Variants in FOXP4 observed in about 807,000 individuals in gnomAD.
FOXP4 encodes forkhead box protein P4.
FOXP4 carries 25 observed loss-of-function variants against 82.6 expected under a neutral mutation model. That is an observed-to-expected ratio of 0.30 (90% CI 0.22 to 0.42). The LOEUF (loss-of-function observed/expected upper bound fraction) is 0.42, where lower values mean the gene tolerates loss of function less well. Ranked by LOEUF, FOXP4 falls within the 10% of genes least tolerant of loss-of-function variation. The probability of loss-of-function intolerance (pLI) is 1.00; values close to 1 mark genes in which losing one functional copy is unlikely to be tolerated. For synonymous variants in FOXP4, 415 were observed against 388.2 expected (o/e 1.07, Z -0.81); for missense variants, 785 against 900.9 (o/e 0.87, Z 1.65).
intron 3 of FOXP4, among the ~76,000 whole-genome samples, chr6:41,579,985 G>T (rs1373558343): frequency 2.0e-4 from 30 of 151,174 alleles, no homozygotes. Flanking sequence ...GTTGTCCAAA[G>T]TTATACAACA....
intron 1 of FOXP4, among the ~76,000 whole-genome samples, chr6:41,552,931 CTT>C: frequency 6.6e-6 from 1 of 152,308 alleles, no homozygotes. Flanking sequence ...CATGACCCGT[CTT>C]CTCTCTGGGC....
At chr6:41,552,710 G>A (rs555379799) in intron 1 of FOXP4, among the ~76,000 whole-genome samples, 3 of 152,238 alleles carry the variant, frequency 2.0e-5, no homozygotes, top group East Asian at 3.9e-4. Context: ...GGGCTAGCTC[G>A]GGCCGGCAGC....
chr6:41,587,767 C>T (rs542869024), intron 7 of FOXP4, 26 bp from the exon 8 acceptor site: 15 of 1,481,242 alleles, frequency 1.0e-5, no homozygotes, highest in Middle Eastern at 3.6e-4. Flanking sequence ...GGTCCCTGAT[C>T]GGCCACCTCC....
rs753623290 is a variant in FOXP4 at position 41,590,477 on chromosome 6, G to C, written c.1434+130G>C. 3.7e-5 allele frequency: 35 copies of C among 955,532 alleles called. No individual in the cohort carries two copies. The Admixed American group carries it at 8.4e-4, about 23-fold the overall frequency. 59.2% of individuals were successfully genotyped at this position (955,532 alleles called of 1,614,324 possible). ...GCTGTCCCGCTCCCTCTCACGTGGCGGTCTTCCCTCTCTGCTGTGCGGGGC... is the reference window on the plus strand; with the variant it reads ...GCTGTCCCGCTCCCTCTCACGTGGCCGTCTTCCCTCTCTGCTGTGCGGGGC... On this transcript the variant is annotated intron_variant, in intron 12 of 16. Transcript: ENST00000307972.
intron 1 of FOXP4, among the ~76,000 whole-genome samples, chr6:41,564,812 C>G (rs1242465649): frequency 6.6e-6 from 1 of 152,172 alleles, no homozygotes; most frequent in African/African-American, 2.4e-5. Context: ...AAGGTGGAAC[C>G]AGGGCTTCCT....
Position 41,599,653 on chromosome 6 carries a change from C to T in FOXP4, c.*717C>T, listed in dbSNP as rs927966503. 1 of 152,482 alleles carries T rather than the reference C, an allele frequency of 6.6e-6. No homozygotes were observed. The highest frequency in any genetic ancestry group is 1.9e-4 in the East Asian group (1 of 5,184). The allele number at this position is 152,482 out of a possible 1,614,324, so 9.4% of individuals were successfully genotyped here. On this transcript the variant is annotated 3_prime_UTR_variant, in exon 17 of 17. Transcript: ENST00000307972. ...TTGCTGGGGGCTCCTCCAGCCGCCC[C>T]CATGGGAAGAGGCCTGGTACCGCCT...
chr6:41,586,990 C>A lies in FOXP4; in HGVS notation c.511-19C>A. The A allele has an allele frequency of 6.4e-7, 1 of 1,562,222 alleles. No individual in the cohort carries two copies. Among genetic ancestry groups the A allele is most frequent in the Non-Finnish European group, 8.7e-7 (1 of 1,148,742 alleles). On this transcript the variant is annotated intron_variant, in intron 5 of 16. Transcript: ENST00000307972. The stretch of plus-strand genomic sequence containing the variant: ...CTGATGGCACCCCTCTCTGCCCGCC[C>A]CCTCGGGCCCCTCACCAGGCACTGG...
At position 41,593,954 on chromosome 6, in the gene FOXP4, G is replaced by A. The variant is rs1239611811; in HGVS notation, c.1537-916G>A. Among the ~76,000 whole-genome samples, 1 of 138,076 alleles carries A rather than the reference G, an allele frequency of 7.2e-6. No individual in the cohort carries two copies. Among genetic ancestry groups the A allele is most frequent in the Non-Finnish European group, 1.6e-5 (1 of 61,242 alleles). The allele number at this position is 138,076 out of a possible 152,430, so 90.6% of individuals were successfully genotyped here. A position where few individuals can be genotyped will look rare whatever the true frequency, so the allele number is the denominator to read the frequency against. ...GGGAGGACAGGTAACAGGGTCCAGG[G>A]ATGCAGGCAGGGATGGTGATAACTG... On this transcript the variant is annotated intron_variant, in intron 13 of 16. Transcript: ENST00000307972. The surrounding 1 kb of genome is among the most constrained non-coding windows in gnomAD (Gnocchi z 4.1).
Position 41,599,069 on chromosome 6 carries a change from G to A in FOXP4, c.*133G>A. On this transcript the variant is annotated 3_prime_UTR_variant, in exon 17 of 17. Coordinates refer to ENST00000307972, the MANE Select transcript of FOXP4 (RefSeq NM_001012426.2). ...ACTCAGACCGGGGAGGCCCGGGCCA[G>A]CAGCTCCCAGTGTGACCTGACAAAA... The A allele has an allele frequency of 7.9e-7, 1 of 1,263,696 alleles. No homozygotes were observed. Among genetic ancestry groups the A allele is most frequent in the Non-Finnish European group, 1.1e-6 (1 of 933,068 alleles). 78.3% of individuals were successfully genotyped at this position (1,263,696 alleles called of 1,614,324 possible).
intron 2 of FOXP4, among the ~76,000 whole-genome samples, chr6:41,568,043 G>A (rs1423728192): frequency 2.0e-5 from 3 of 152,204 alleles, no homozygotes; most frequent in Non-Finnish European, 4.4e-5. Flanking sequence ...CAATTAAAAT[G>A]AAATAGTCCA....
chr6:41,592,228 C>G (rs531517565), intron 13 of FOXP4, among the ~76,000 whole-genome samples: 1 of 152,186 alleles, frequency 6.6e-6, no homozygotes, highest in Non-Finnish European at 1.5e-5. Context: ...TAGGTTTCAA[C>G]AAGTGTTACT....
chr6:41,600,254 G>C lies in FOXP4; in HGVS notation c.*1318G>C, dbSNP rs1212781791. 1.3e-5 allele frequency: 2 copies of C among 152,474 alleles called. No individual in the cohort carries two copies. Among genetic ancestry groups the C allele is most frequent in the South Asian group, 2.1e-4 (1 of 4,826 alleles). The allele number at this position is 152,474 out of a possible 1,614,324, so 9.4% of individuals were successfully genotyped here. A position where few individuals can be genotyped will look rare whatever the true frequency, so the allele number is the denominator to read the frequency against. On this transcript the variant is annotated 3_prime_UTR_variant, in exon 17 of 17. Coordinates refer to ENST00000307972, the MANE Select transcript of FOXP4 (RefSeq NM_001012426.2). ...CTCTCACCCCCTCAGGAGTGGGCAC[G>C]GGAGCCCTTCTCCCTGACCCTGGGC...
intron 9 of FOXP4, 37 bp from the exon 10 acceptor site, chr6:41,589,734 G>A (rs1184637098): frequency 1.7e-5 from 27 of 1,600,890 alleles, no homozygotes; most frequent in Non-Finnish European, 2.3e-5. Context: ...CCAGGGTTCA[G>A]CCTCCCGCTC....
chr6:41,588,335 G>T (rs913153180), intron 8 of FOXP4, among the ~76,000 whole-genome samples: 3 of 152,178 alleles, frequency 2.0e-5, no homozygotes, highest in Admixed American at 2.0e-4. Flanking sequence ...GATTAACTCC[G>T]CTGTCTCCCA....
intron 12 of FOXP4, 138 bp downstream of exon 12, chr6:41,590,485 C>G: frequency 1.1e-6 from 1 of 886,802 alleles, no homozygotes; most frequent in South Asian, 1.6e-5. Context: ...GCGGTCTTCC[C>G]TCTCTGCTGT....
Position 41,584,900 on chromosome 6 carries a change from G to A in FOXP4, c.423+9G>A. Reference sequence around the variant, plus strand: ...CCCTCATGCTCCAGCAGGTGAGTCTGGCCCCAGGGCAGCTGGTCCCTCCTC... The same window carrying A: ...CCCTCATGCTCCAGCAGGTGAGTCTAGCCCCAGGGCAGCTGGTCCCTCCTC... On this transcript the variant is annotated intron_variant, in intron 4 of 16. Coordinates refer to ENST00000307972, the MANE Select transcript of FOXP4 (RefSeq NM_001012426.2). 1 of 1,604,574 alleles carries A rather than the reference G, an allele frequency of 6.2e-7. No individual in the cohort carries two copies. The highest frequency in any genetic ancestry group is 8.5e-7 in the Non-Finnish European group (1 of 1,176,076).
intron 2 of FOXP4, among the ~76,000 whole-genome samples, chr6:41,573,837 C>T (rs1407444148): frequency 1.3e-5 from 2 of 152,260 alleles, no homozygotes; most frequent in East Asian, 3.9e-4. Flanking sequence ...GGATCCAGAT[C>T]TCTCTTGACG....
chr6:41,584,896 G>T lies in FOXP4; in HGVS notation c.423+5G>T. 6.2e-7 allele frequency: 1 copy of T among 1,607,962 alleles called. No homozygotes were observed. Among genetic ancestry groups the T allele is most frequent in the Non-Finnish European group, 8.5e-7 (1 of 1,178,006 alleles). On this transcript the variant is annotated splice_donor_5th_base_variant and intron_variant, in intron 4 of 16. Coordinates refer to ENST00000307972, the MANE Select transcript of FOXP4 (RefSeq NM_001012426.2). ...CAAGCCCTCATGCTCCAGCAGGTGAGTCTGGCCCCAGGGCAGCTGGTCCCT... is the reference window on the plus strand; with the variant it reads ...CAAGCCCTCATGCTCCAGCAGGTGATTCTGGCCCCAGGGCAGCTGGTCCCT...
intron 1 of FOXP4, among the ~76,000 whole-genome samples, chr6:41,562,497 C>A (rs1414649963): frequency 1.3e-5 from 2 of 152,140 alleles, no homozygotes; most frequent in Middle Eastern, 3.2e-3. Flanking sequence ...ATGCCCCCCC[C>A]ATAAAAAGAA....
Sources: allele counts gnomAD v4.1 joint callset (sites outside exome capture counted in the v4.1 genomes callset), GRCh38; gene constraint gnomAD v4.1.1; non-coding constraint Gnocchi (gnomAD v3.1); transcripts MANE v1.5; gene names NCBI Gene and HGNC (gene_info 2026-07-23, HGNC 2026-07-21).